EYS: variants seen among roughly 807,000 people sequenced by gnomAD.
EYS encodes the protein protein eyes shut homolog.
EYS carries 250 observed loss-of-function variants against 282.1 expected under a neutral mutation model. That is an observed-to-expected ratio of 0.89 (90% CI 0.80 to 0.98). The LOEUF (loss-of-function observed/expected upper bound fraction) is 0.98, where lower values mean the gene tolerates loss of function less well. Among genes scored for constraint, EYS ranks in the 50% least tolerant of loss-of-function variants. The pLI is 0.00. For synonymous variants in EYS, 1,355 were observed against 1,282.9 expected (o/e 1.06, Z -1.20); for missense variants, 4,016 against 3,709.0 (o/e 1.08, Z -2.15).
At chr6:63,773,349 A>C (rs2149661941) in intron 40 of EYS, among the ~76,000 whole-genome samples, 1 of 152,306 alleles carries the variant, frequency 6.6e-6, no homozygotes, top group East Asian at 1.9e-4. Flanking sequence ...AGTGAGAGAA[A>C]AGCAAAGGGA....
At chr6:65,107,634 C>T (rs936929783) in intron 12 of EYS, among the ~76,000 whole-genome samples, 1 of 151,270 alleles carries the variant, frequency 6.6e-6, no homozygotes, top group Non-Finnish European at 1.5e-5. Flanking sequence ...AACTACAAAA[C>T]TAAAATCCAG....
At chr6:64,334,057 G>C (rs1180108822) in intron 29 of EYS, among the ~76,000 whole-genome samples, 1 of 152,198 alleles carries the variant, frequency 6.6e-6, no homozygotes, top group Admixed American at 6.5e-5. Flanking sequence ...GAACCAGGTA[G>C]GGGAAACAAC....
intron 35 of EYS, among the ~76,000 whole-genome samples, chr6:63,937,670 C>G (rs544659899): frequency 6.6e-6 from 1 of 152,070 alleles, no homozygotes; most frequent in Admixed American, 6.5e-5. Context: ...CGTGAGCCAC[C>G]GCGCCTGGCC....
At chr6:64,262,544 T>A (rs1216687859) in intron 30 of EYS, among the ~76,000 whole-genome samples, 1 of 152,018 alleles carries the variant, frequency 6.6e-6, no homozygotes, top group Non-Finnish European at 1.5e-5. Flanking sequence ...TCTATTTCTA[T>A]ATCATCAATA....
intron 15 of EYS, among the ~76,000 whole-genome samples, chr6:64,945,063 G>A (rs912377648): frequency 6.6e-6 from 1 of 150,910 alleles, no homozygotes; most frequent in Non-Finnish European, 1.5e-5. Context: ...GAACTCAGAG[G>A]CCGGTGCAGG....
chr6:64,192,605 T>C (rs1486234485), intron 31 of EYS, among the ~76,000 whole-genome samples: 2 of 152,076 alleles, frequency 1.3e-5, no homozygotes, highest in South Asian at 2.1e-4. Context: ...TAATAAATGG[T>C]GCTGGGAAAA....
chr6:65,587,786 A>C (rs932968023), intron 2 of EYS, among the ~76,000 whole-genome samples: 1 of 152,090 alleles, frequency 6.6e-6, no homozygotes, highest in African/African-American at 2.4e-5. Flanking sequence ...TTACACTTTC[A>C]TATGCAATAA....
intron 26 of EYS, among the ~76,000 whole-genome samples, chr6:64,520,864 G>A (rs1777713904): frequency 6.6e-6 from 1 of 151,620 alleles, no homozygotes; most frequent in Admixed American, 6.6e-5. Context: ...ATTTGATCAG[G>A]AAAAGAGAAG....
At chr6:65,057,769 C>T in intron 12 of EYS, 42 bp from the exon 13 acceptor site, 2 of 1,280,074 alleles carry the variant, frequency 1.6e-6, no homozygotes, top group Middle Eastern at 1.9e-4. Context: ...GTTAACAAGA[C>T]AGGCATGTAT....
At chr6:64,359,037 C>T (rs2150407620) in intron 29 of EYS, among the ~76,000 whole-genome samples, 1 of 151,704 alleles carries the variant, frequency 6.6e-6, no homozygotes, top group South Asian at 2.1e-4. Flanking sequence ...TAATGGTCCT[C>T]TTATCCCATT....
intron 22 of EYS, among the ~76,000 whole-genome samples, chr6:64,717,135 G>T (rs1771425292): frequency 6.6e-6 from 1 of 152,172 alleles, no homozygotes; most frequent in Admixed American, 6.5e-5. Context: ...TGAGAAAAAG[G>T]TATAGATGGA....
intron 37 of EYS, among the ~76,000 whole-genome samples, chr6:63,791,531 T>G (rs1381257128): frequency 7.0e-6 from 1 of 143,670 alleles, no homozygotes; most frequent in Non-Finnish European, 1.5e-5. Context: ...TGAGCCGAGA[T>G]CGTACCACTG....
intron 2 of EYS, among the ~76,000 whole-genome samples, chr6:65,575,493 A>G (rs1349863105): frequency 6.6e-6 from 1 of 151,770 alleles, no homozygotes; most frequent in Non-Finnish European, 1.5e-5. Flanking sequence ...GAAAAAGGAA[A>G]AGATCCCAGA....
intron 36 of EYS, among the ~76,000 whole-genome samples, chr6:63,811,694 A>C (rs901700313): frequency 6.6e-6 from 1 of 152,156 alleles, no homozygotes; most frequent in Non-Finnish European, 1.5e-5. Flanking sequence ...TAAGAATTTC[A>C]AACTGATCAT....
At chr6:65,110,504 T>C (rs904687152) in intron 12 of EYS, among the ~76,000 whole-genome samples, 1 of 152,116 alleles carries the variant, frequency 6.6e-6, no homozygotes, top group Non-Finnish European at 1.5e-5. Context: ...TTTGAATTCG[T>C]TCTTGAAAAA....
In EYS at chr6:65,396,391, G is replaced by A. The variant is rs143095012; in HGVS notation, c.1184+6087C>T. 4.0e-3 allele frequency among the ~76,000 whole-genome samples: 612 copies of A among 151,952 alleles called. 5 individuals carry two copies. The highest frequency in any genetic ancestry group is 0.014 in the African/African-American group (579 of 41,440). On this transcript the variant is annotated intron_variant, in intron 7 of 42. Coordinates refer to ENST00000503581, the MANE Select transcript of EYS (RefSeq NM_001142800.2). Reference sequence around the variant, plus strand: ...CCTTGTAGTCCTTTTCTCCCCCAACGTTTATTCCATCCCACAATCCATTGA... The same window carrying A: ...CCTTGTAGTCCTTTTCTCCCCCAACATTTATTCCATCCCACAATCCATTGA...
intron 22 of EYS, among the ~76,000 whole-genome samples, chr6:64,641,909 C>T (rs1768169627): frequency 6.6e-6 from 1 of 152,120 alleles, no homozygotes; most frequent in South Asian, 2.1e-4. Flanking sequence ...ACAGTTTTAT[C>T]CCCACACAAC....
At chr6:63,888,678 G>C (rs997416878) in intron 35 of EYS, among the ~76,000 whole-genome samples, 1 of 152,224 alleles carries the variant, frequency 6.6e-6, no homozygotes, top group Non-Finnish European at 1.5e-5. Context: ...CCATGAAGAT[G>C]TGGTAAACCA....
chr6:64,220,070 T>A (rs755683558), intron 31 of EYS, among the ~76,000 whole-genome samples: 1 of 152,112 alleles, frequency 6.6e-6, no homozygotes, highest in Non-Finnish European at 1.5e-5. Context: ...TTAGGAGATA[T>A]ACCTAATGTT....
Sources: allele counts gnomAD v4.1 joint callset (sites outside exome capture counted in the v4.1 genomes callset), GRCh38; gene constraint gnomAD v4.1.1; transcripts MANE v1.5; gene names NCBI Gene and HGNC (gene_info 2026-07-23, HGNC 2026-07-21).